Variants in LRP6 observed in about 807,000 individuals in gnomAD.
LRP6 encodes LDL receptor related protein 6.
Under a neutral mutation model 184.1 loss-of-function variants are expected in LRP6, and 43 were observed. The observed-to-expected ratio is 0.23, with a 90% CI of 0.18 to 0.30. LRP6 has a LOEUF of 0.30. Among genes scored for constraint, LRP6 ranks in the 10% least tolerant of loss-of-function variants. LRP6 has a pLI of 1.00. For missense variants in LRP6, 1,571 were observed against 2,005.3 expected (o/e 0.78, Z 4.14); for synonymous variants, 719 against 684.9 (o/e 1.05, Z -0.78).
intron 2 of LRP6, among the ~76,000 whole-genome samples, chr12:12,224,980 G>A (rs569373782): frequency 9.8e-5 from 15 of 152,310 alleles, no homozygotes; most frequent in African/African-American, 2.2e-4. Context: ...CCAGGCAGGC[G>A]GATCACCTGA....
intron 2 of LRP6, among the ~76,000 whole-genome samples, chr12:12,204,533 G>C (rs1341574464): frequency 6.6e-6 from 1 of 151,758 alleles, no homozygotes; most frequent in Non-Finnish European, 1.5e-5. Context: ...TACTACTTTT[G>C]CTTCTATTCC....
At chr12:12,216,793 A>C (rs934682467) in intron 2 of LRP6, among the ~76,000 whole-genome samples, 1 of 152,146 alleles carries the variant, frequency 6.6e-6, no homozygotes, top group Non-Finnish European at 1.5e-5. Context: ...GAATACTCTG[A>C]AATTAATGAT....
intron 3 of LRP6, among the ~76,000 whole-genome samples, chr12:12,189,236 T>A (rs927256565): frequency 2.8e-4 from 43 of 152,250 alleles, no homozygotes; most frequent in African/African-American, 1.0e-3. Context: ...GCAAGCTTTA[T>A]TTCTTCATCT....
chr12:12,183,790 AT>A (rs1271465189), intron 5 of LRP6, among the ~76,000 whole-genome samples, 189 bp downstream of exon 5: 2 of 152,226 alleles, frequency 1.3e-5, no homozygotes, highest in Non-Finnish European at 2.9e-5. Context: ...CACTAAAATA[AT>A]TTATAAAATA....
chr12:12,141,191 AGGGCTGG>A (rs973352399), intron 15 of LRP6, among the ~76,000 whole-genome samples: 2 of 151,558 alleles, frequency 1.3e-5, no homozygotes, highest in African/African-American at 4.8e-5. Flanking sequence ...GGAAGAGGAA[AGGGCTGG>A]GGGAGGGAGA....
intron 7 of LRP6, among the ~76,000 whole-genome samples, chr12:12,176,672 A>C (rs1193107762): frequency 2.6e-5 from 4 of 152,184 alleles, no homozygotes; most frequent in Non-Finnish European, 4.4e-5. Flanking sequence ...AAGAATTTCC[A>C]CTAAGCGAGC....
Position 12,165,267 on chromosome 12 carries a change from C to T in LRP6, c.1574G>A (p.Arg525Gln), listed in dbSNP as rs770724799. 9 of 1,613,590 alleles carry T rather than the reference C, an allele frequency of 5.6e-6. No homozygotes were observed. In the African/African-American group the frequency reaches 9.3e-5, roughly 17 times the overall value. ...EVMNTDGTGR[R>Q]VLVEDKIPHI... Reference sequence around the variant, plus strand: ...AGGAATTTTGTCTTCCACTAGTACTCGTCTCCCAGTGCCATCAGTATTCAT... The same window carrying T: ...AGGAATTTTGTCTTCCACTAGTACTTGTCTCCCAGTGCCATCAGTATTCAT... Residue 525 changes from arginine (R) to glutamine (Q), a missense_variant, in exon 8 of 23, where the codon CGA (arginine) becomes CAA (glutamine). By Grantham distance (43) the Arg-to-Gln change is conservative (BLOSUM62 1). Coordinates refer to ENST00000261349, the MANE Select transcript of LRP6 (RefSeq NM_002336.3).
At chr12:12,238,250 G>A (rs1864974482) in intron 2 of LRP6, among the ~76,000 whole-genome samples, 2 of 148,270 alleles carry the variant, frequency 1.3e-5, no homozygotes, top group Non-Finnish European at 3.0e-5. Flanking sequence ...AAGTGGCTCA[G>A]AGAAATAATG....
Position 12,158,913 on chromosome 12 carries a change from G to A in LRP6, c.2707C>T (p.Leu903Phe). Reference protein sequence around the residue: ...CASSNGHCSHLCLAVPVGGFV... With the variant: ...CASSNGHCSHFCLAVPVGGFV... ...CCCCCAACTGGCACAGCCAAGCAGA[G>A]GTGGGAGCAGTGCCCATTGCTGGAA... Residue 903 changes from leucine (L) to phenylalanine (F), a missense_variant, in exon 12 of 23, where the codon CTC becomes TTC. Leu to Phe is a conservative substitution (Grantham distance 22, BLOSUM62 0). This residue lies in a region of LRP6 where 158 missense variants were observed against 258.4 expected (regional missense o/e 0.61). Transcript: ENST00000261349. 1.9e-6 allele frequency: 3 copies of A among 1,614,238 alleles called. No homozygotes were observed. The highest frequency in any genetic ancestry group is 2.5e-6 in the Non-Finnish European group (3 of 1,180,040).
In LRP6 at chr12:12,162,662, A is replaced by G. The variant is rs577698845; in HGVS notation, c.2053-243T>C. Among the ~76,000 whole-genome samples, 8 of 152,320 alleles carry G rather than the reference A, an allele frequency of 5.3e-5. 2 individuals carry two copies. The South Asian group carries it at 1.7e-3, about 32-fold the overall frequency. On this transcript the variant is annotated intron_variant, in intron 9 of 22. Transcript: ENST00000261349. ...ATTTTAAAACTCTAATGCACCAAAA[A>G]TTTATTCTACTAACAGCAGAATGAC...
chr12:12,131,096 CATTTTT>C (rs1389845753), intron 18 of LRP6, among the ~76,000 whole-genome samples: 6 of 105,350 alleles, frequency 5.7e-5, no homozygotes, highest in African/African-American at 2.0e-4. Context: ...AATTTCCTAA[CATTTTT>C]TTTTTTTTTT....
chr12:12,178,018 CTG>C (rs1246057493), intron 7 of LRP6, among the ~76,000 whole-genome samples: 2 of 151,796 alleles, frequency 1.3e-5, no homozygotes, highest in African/African-American at 4.8e-5. Flanking sequence ...ATGTATGTGT[CTG>C]TATGTATATA....
chr12:12,255,824 C>A (rs769698651), intron 1 of LRP6, among the ~76,000 whole-genome samples: 11 of 152,152 alleles, frequency 7.2e-5, no homozygotes, highest in Middle Eastern at 3.4e-3. Context: ...TCTGCCACGG[C>A]CTTCCAAAGT....
intron 7 of LRP6, among the ~76,000 whole-genome samples, chr12:12,172,970 T>C (rs1224744908): frequency 1.3e-5 from 2 of 152,228 alleles, no homozygotes; most frequent in East Asian, 1.9e-4. Flanking sequence ...ATTTTAAATA[T>C]GAAAAGAATT....
chr12:12,249,232 T>G, intron 1 of LRP6: 2 of 860,628 alleles, frequency 2.3e-6, no homozygotes, highest in South Asian at 2.8e-5. Flanking sequence ...CCCCCCTTTG[T>G]AAGATTTGTA....
At chr12:12,176,294 A>G (rs980694390) in intron 7 of LRP6, among the ~76,000 whole-genome samples, 1 of 152,210 alleles carries the variant, frequency 6.6e-6, no homozygotes, top group Non-Finnish European at 1.5e-5. Flanking sequence ...AATGAAGAAG[A>G]GACATAAACA....
chr12:12,200,643 G>A (rs913325937), intron 3 of LRP6, among the ~76,000 whole-genome samples: 3 of 152,122 alleles, frequency 2.0e-5, no homozygotes, highest in African/African-American at 7.2e-5. Context: ...TGGTGTCCAC[G>A]TATTTGAGTA....
chr12:12,256,580 G>T (rs1387478066), intron 1 of LRP6, among the ~76,000 whole-genome samples: 2 of 152,136 alleles, frequency 1.3e-5, no homozygotes, highest in Non-Finnish European at 2.9e-5. Context: ...GCCAAGGCAG[G>T]CAGATCACTT....
chr12:12,161,379 T>C (rs1433124495), intron 10 of LRP6, among the ~76,000 whole-genome samples: 3 of 152,194 alleles, frequency 2.0e-5, no homozygotes, highest in Admixed American at 6.5e-5. Context: ...ACAATTTTCC[T>C]GCTTTAGCCT....
Sources: allele counts gnomAD v4.1 joint callset (sites outside exome capture counted in the v4.1 genomes callset), GRCh38; gene constraint gnomAD v4.1.1; regional missense constraint gnomAD v4.1.1; transcripts MANE v1.5; gene names NCBI Gene and HGNC (gene_info 2026-07-23, HGNC 2026-07-21).